The following AFF2 variants were observed in gnomAD, a reference collection of about 807,000 sequenced individuals.
AFF2 encodes the protein ALF transcription elongation factor 2.
In AFF2, 14 loss-of-function variants were observed where a neutral mutation model predicts 76.9. The observed-to-expected ratio is 0.18, with a 90% CI of 0.12 to 0.28. The LOEUF is 0.28. AFF2 is among the 10% of genes least tolerant of loss of function. The pLI is 1.00. For synonymous variants in AFF2, 398 were observed against 366.7 expected (o/e 1.09, Z -0.98); for missense variants, 868 against 1,001.1 (o/e 0.87, Z 1.79).
At chrX:148,614,746 C>CTTTCCTTCT (rs1569552172) in intron 1 of AFF2, among the ~76,000 whole-genome samples, 4 of 38,491 alleles carry the variant, frequency 1.0e-4, no homozygotes, top group South Asian at 1.4e-3. Context: ...TCTTTTCTTT[C>CTTTCCTTCT]TTTCTTTCTT....
intron 1 of AFF2, among the ~76,000 whole-genome samples, chrX:148,614,177 A>G (rs1396474926): frequency 8.9e-6 from 1 of 112,193 alleles, no homozygotes; most frequent in African/African-American, 3.2e-5. Context: ...CATTTTTAAA[A>G]CTATAATCAA....
chrX:148,793,609 A>T (rs972957155), intron 3 of AFF2, among the ~76,000 whole-genome samples: 1 of 111,705 alleles, frequency 9.0e-6, no homozygotes, highest in African/African-American at 3.3e-5. Flanking sequence ...ATCGTAATCA[A>T]TTCAATGGAA....
intron 9 of AFF2, among the ~76,000 whole-genome samples, chrX:148,918,379 A>T (rs2071555056): frequency 8.9e-6 from 1 of 112,090 alleles, no homozygotes; most frequent in South Asian, 3.7e-4. Context: ...AACATAATAT[A>T]GGACACTCAA....
intron 1 of AFF2, among the ~76,000 whole-genome samples, chrX:148,624,632 C>T (rs1557251755): frequency 8.9e-6 from 1 of 111,880 alleles, no homozygotes; most frequent in Non-Finnish European, 1.9e-5. Flanking sequence ...CTTTACATTT[C>T]TTTTTGTTTA....
At chrX:148,532,638 A>G (rs1031659609) in intron 1 of AFF2, among the ~76,000 whole-genome samples, 2 of 112,669 alleles carry the variant, frequency 1.8e-5, no homozygotes, top group Non-Finnish European at 3.8e-5. Context: ...AAGAAGTAGC[A>G]TTTAGCAAGA....
At chrX:148,934,851 A>C (rs534329347) in intron 9 of AFF2, among the ~76,000 whole-genome samples, 8 of 112,141 alleles carry the variant, frequency 7.1e-5, no homozygotes, top group Middle Eastern at 4.6e-3. Context: ...TAACTGAAGA[A>C]TCATAGATAA....
At chrX:148,575,100 A>G (rs1311524131) in intron 1 of AFF2, among the ~76,000 whole-genome samples, 2 of 110,433 alleles carry the variant, frequency 1.8e-5, no homozygotes, top group East Asian at 5.7e-4. Context: ...ATGCCTACCT[A>G]GCAGATTCAA....
intron 7 of AFF2, among the ~76,000 whole-genome samples, chrX:148,867,706 T>G (rs1445487303): frequency 9.0e-6 from 1 of 111,680 alleles, no homozygotes; most frequent in Non-Finnish European, 1.9e-5. Context: ...AATTCCCAGT[T>G]CCTCAAACAA....
intron 15 of AFF2, among the ~76,000 whole-genome samples, chrX:148,969,471 C>T (rs1393563687): frequency 8.9e-6 from 1 of 112,176 alleles, no homozygotes; most frequent in African/African-American, 3.2e-5. Flanking sequence ...TCCTCAGATG[C>T]TCAAGTCTCT....
chrX:148,670,627 T>C (rs782581846), intron 3 of AFF2, among the ~76,000 whole-genome samples: 34 of 111,598 alleles, frequency 3.0e-4, no homozygotes, highest in Non-Finnish European at 5.5e-4. Context: ...ACTTGGCACG[T>C]TACTTTCCCT....
chrX:148,994,102 TAAA>T lies in AFF2; in HGVS notation c.*2771_*2773del, dbSNP rs2072565059. The T allele has an allele frequency of 9.0e-6, 1 of 110,846 alleles. No individual in the cohort carries two copies. The highest frequency in any genetic ancestry group is 2.9e-4 in the East Asian group (1 of 3,501). The allele number at this position is 110,846 out of a possible 1,213,427, so 9.1% of individuals were successfully genotyped here. A position where few individuals can be genotyped will look rare whatever the true frequency, so the allele number is the denominator to read the frequency against. ...TGATGGAGGCTTGGTGAGACACACT[TAAA>T]TAAGCACGTGGAGGTTAGAATAGAG... On this transcript the variant is annotated 3_prime_UTR_variant, in exon 21 of 21. Coordinates refer to ENST00000370460, the MANE Select transcript of AFF2 (RefSeq NM_002025.4).
chrX:148,695,060 C>T (rs1216293817), intron 3 of AFF2, among the ~76,000 whole-genome samples: 2 of 110,761 alleles, frequency 1.8e-5, no homozygotes, highest in African/African-American at 3.3e-5. Flanking sequence ...AGGTGATCCA[C>T]CTGCCTCTGC....
intron 3 of AFF2, among the ~76,000 whole-genome samples, chrX:148,689,872 G>A (rs1490544471): frequency 8.9e-6 from 1 of 112,010 alleles, no homozygotes; most frequent in African/African-American, 3.2e-5. Context: ...CTTGATGAAT[G>A]GAATCTATTA....
intron 1 of AFF2, among the ~76,000 whole-genome samples, chrX:148,587,583 G>A (rs1228162034): frequency 8.9e-6 from 1 of 111,840 alleles, no homozygotes; most frequent in East Asian, 2.8e-4. Context: ...TCTTGAAAAA[G>A]GCCTGTAGTG....
At chrX:148,771,314 T>C (rs1466138337) in intron 3 of AFF2, among the ~76,000 whole-genome samples, 1 of 112,182 alleles carries the variant, frequency 8.9e-6, no homozygotes, top group East Asian at 2.8e-4. Context: ...TTAAAGTGTA[T>C]CTAGGAGTAA....
chrX:148,805,098 C>T (rs1324189396), intron 3 of AFF2, among the ~76,000 whole-genome samples: 1 of 111,313 alleles, frequency 9.0e-6, no homozygotes, highest in South Asian at 3.8e-4. Flanking sequence ...AGTAATTCTG[C>T]ATCAGGGGAC....
At chrX:148,970,294 A>G (rs1750469275) in intron 15 of AFF2, among the ~76,000 whole-genome samples, 1 of 112,296 alleles carries the variant, frequency 8.9e-6, no homozygotes, top group Non-Finnish European at 1.9e-5. Flanking sequence ...AGTCATTTAC[A>G]ATAAAAGATT....
At chrX:148,989,091 G>T (rs1434421137) in intron 20 of AFF2, among the ~76,000 whole-genome samples, 2 of 112,103 alleles carry the variant, frequency 1.8e-5, no homozygotes, top group African/African-American at 6.5e-5. Context: ...TTATTAAATT[G>T]TCTACTTTTC....
chrX:148,913,854 G>A (rs1377476196), intron 9 of AFF2, among the ~76,000 whole-genome samples: 15 of 112,050 alleles, frequency 1.3e-4, no homozygotes, highest in Non-Finnish European at 2.6e-4. Context: ...CAATATTGCC[G>A]TGTAGTGATC....
Sources: gnomAD v4.1 joint callset for allele counts (sites outside exome capture counted in the v4.1 genomes callset) on GRCh38, gnomAD v4.1.1 for gene constraint, MANE v1.5 for transcripts, NCBI Gene and HGNC (gene_info 2026-07-23, HGNC 2026-07-21) for gene names.